PRPF3: variants seen among roughly 807,000 people sequenced by gnomAD.
PRPF3 encodes the protein U4/U6 small nuclear ribonucleoprotein Prp3.
A neutral mutation model predicts 89.2 loss-of-function variants in PRPF3; 3 were observed. The ratio of observed to expected loss-of-function variants is 0.03; its 90% CI spans 0.02 to 0.09. The LOEUF is 0.09. PRPF3 is among the 10% of genes least tolerant of loss of function. The pLI, the probability that PRPF3 is intolerant of heterozygous loss-of-function variation, is 1.00. For missense variants in PRPF3, 463 were observed against 828.8 expected (o/e 0.56, Z 5.42); for synonymous variants, 270 against 289.1 (o/e 0.93, Z 0.67).
chr1:150,332,956 ATTTC>A lies in PRPF3; in HGVS notation c.508-19_508-16del, dbSNP rs1656582289. The A allele has an allele frequency of 6.3e-7, 1 of 1,595,986 alleles. No individual in the cohort carries two copies. Among genetic ancestry groups the A allele is most frequent in the Non-Finnish European group, 8.6e-7 (1 of 1,163,916 alleles). ...TTGTCTGCCTGTCTTAATTCCTCTGATTTCTTTTTCTCTATCTCACAGCCAAAGA... is the reference window on the plus strand; with the variant it reads ...TTGTCTGCCTGTCTTAATTCCTCTGATTTTTCTCTATCTCACAGCCAAAGA... On this transcript the variant is annotated intron_variant, in intron 5 of 15. Coordinates refer to ENST00000324862, the MANE Select transcript of PRPF3 (RefSeq NM_004698.4).
chr1:150,345,616 T>C, intron 12 of PRPF3: 1 of 262,384 alleles, frequency 3.8e-6, no homozygotes, highest in South Asian at 4.1e-5. Flanking sequence ...CCCAAAGTGC[T>C]GGGATTACAG....
At chr1:150,349,973 G>A (rs1026544066) in intron 15 of PRPF3, among the ~76,000 whole-genome samples, 5 of 151,900 alleles carry the variant, frequency 3.3e-5, no homozygotes, top group Admixed American at 6.6e-5. Context: ...TCGGCTCACC[G>A]CAACCTCTAC....
intron 9 of PRPF3, 28 bp downstream of exon 9, chr1:150,340,505 T>TATGC: frequency 1.3e-6 from 2 of 1,524,498 alleles, no homozygotes; most frequent in South Asian, 2.2e-5. Context: ...GAATCAAGTC[T>TATGC]CTAGAGCAGC....
At position 150,352,893 on chromosome 1, in the gene PRPF3, A is replaced by C; in HGVS notation, c.1966A>C (p.Met656Leu). Residue 656 changes from methionine (M) to leucine (L), a missense_variant, in exon 16 of 16, where the codon ATG becomes CTG. Met to Leu is a conservative substitution (Grantham distance 15, BLOSUM62 2). This residue lies in a region of PRPF3 where 78 missense variants were observed against 96.6 expected (regional missense o/e 0.81). Transcript: ENST00000324862. ...MKFKQCPTEN[M>L]AREHFKKHGA... ...GTTTAAACAGTGTCCTACAGAGAAC[A>C]TGGCTCGTGAGCATTTCAAAAAGCA... The C allele has an allele frequency of 8.1e-6, 13 of 1,614,220 alleles. No individual in the cohort carries two copies. The highest frequency in any genetic ancestry group is 1.1e-5 in the Non-Finnish European group (13 of 1,180,030).
intron 14 of PRPF3, among the ~76,000 whole-genome samples, chr1:150,348,479 T>TTTTTTTTTTTTTTTTTG: frequency 7.2e-6 from 1 of 139,272 alleles, no homozygotes. Flanking sequence ...TTTTTTTTTT[T>TTTTTTTTTTTTTTTTTG]GAGATGGAGT....
At chr1:150,340,306 G>T in intron 8 of PRPF3, 92 bp from the exon 9 acceptor site, 3 of 887,934 alleles carry the variant, frequency 3.4e-6, no homozygotes, top group Non-Finnish European at 5.6e-6. Flanking sequence ...ACCCATTATA[G>T]AGAGTGGGTT....
chr1:150,332,865 C>T, intron 5 of PRPF3, 98 bp downstream of exon 5: 1 of 1,495,368 alleles, frequency 6.7e-7, no homozygotes, highest in Non-Finnish European at 9.3e-7. Flanking sequence ...CTACATGTTT[C>T]ACTTCATAAT....
Position 150,332,911 on chromosome 1 carries a change from CTG to C in PRPF3, c.508-62_508-61del, listed in dbSNP as rs1321237687. 4 of 1,509,272 alleles carry C rather than the reference CTG, an allele frequency of 2.7e-6. No homozygotes were observed. In the East Asian group the frequency reaches 6.8e-5, roughly 26 times the overall value. The allele number at this position is 1,509,272 out of a possible 1,614,324, so 93.5% of individuals were successfully genotyped here. A position where few individuals can be genotyped will look rare whatever the true frequency, so the allele number is the denominator to read the frequency against. On this transcript the variant is annotated intron_variant, in intron 5 of 15. Transcript: ENST00000324862. ...AGTCTACCATGATGTGTGTGTATAT[CTG>C]TGTGTATGTATGTGTGTTTGTCTGC...
intron 2 of PRPF3, 123 bp from the exon 3 acceptor site, chr1:150,325,628 A>G: frequency 7.5e-7 from 1 of 1,341,020 alleles, no homozygotes; most frequent in Non-Finnish European, 1.1e-6. Context: ...GGAATCCTAC[A>G]AAAAACTTAA....
In PRPF3 at chr1:150,335,034, C is replaced by T. The variant is rs782814876; in HGVS notation, c.828C>T (p.His276=). 3 of 1,614,088 alleles carry T rather than the reference C, an allele frequency of 1.9e-6. No individual in the cohort carries two copies. Among genetic ancestry groups the T allele is most frequent in the Non-Finnish European group, 2.5e-6 (3 of 1,180,016 alleles). ...CAGGCAAGGAGATTGAGCTGACACA[C>T]CGCATGCCTACTCTGAAAGCCAATA... ...DATGKEIELT[H]RMPTLKANIR... The change falls in exon 7 of 16, where the codon CAC becomes CAT. Residue 276 remains histidine (H), a synonymous_variant. Coordinates refer to ENST00000324862, the MANE Select transcript of PRPF3 (RefSeq NM_004698.4).
At chr1:150,323,875 C>T (rs1553862902) in intron 1 of PRPF3, among the ~76,000 whole-genome samples, 1 of 146,890 alleles carries the variant, frequency 6.8e-6, no homozygotes, top group African/African-American at 2.5e-5. Context: ...TGCCTGGGTT[C>T]AAGTGATTCT....
At chr1:150,335,364 C>A (rs1331698579) in intron 7 of PRPF3, 123 bp downstream of exon 7, 2 of 1,173,098 alleles carry the variant, frequency 1.7e-6, no homozygotes, top group Non-Finnish European at 2.4e-6. Context: ...CAGTCCTCAA[C>A]CTTTTTGGCA....
chr1:150,340,248 A>G, intron 8 of PRPF3, 150 bp from the exon 9 acceptor site: 2 of 657,948 alleles, frequency 3.0e-6, no homozygotes, highest in Admixed American at 2.4e-5. Flanking sequence ...TAATTTAACT[A>G]TATATTTTAG....
chr1:150,353,170 C>T lies in PRPF3; in HGVS notation c.*191C>T, dbSNP rs1321351268. ...TGTTGCCCTTTATTCCCCTTATGTG[C>T]ATATGATTAAAGAGTTATTTTTAAA... is the stretch of plus-strand genomic sequence containing the variant. On this transcript the variant is annotated 3_prime_UTR_variant, in exon 16 of 16. Coordinates refer to ENST00000324862, the MANE Select transcript of PRPF3 (RefSeq NM_004698.4). 4.5e-6 allele frequency: 3 copies of T among 660,666 alleles called. No homozygotes were observed. Among genetic ancestry groups the T allele is most frequent in the Non-Finnish European group, 8.0e-6 (3 of 373,264 alleles). 40.9% of individuals were successfully genotyped at this position (660,666 alleles called of 1,614,324 possible). A position where few individuals can be genotyped will look rare whatever the true frequency, so the allele number is the denominator to read the frequency against.
chr1:150,346,797 C>G lies in PRPF3; in HGVS notation c.1843+306C>G, dbSNP rs1205752700. Reference sequence around the variant, plus strand: ...TGAATTTATTCAGTATTTGAAAATTCAGCAAGCAGCTAGGCATGGTGGCTC... The same window carrying G: ...TGAATTTATTCAGTATTTGAAAATTGAGCAAGCAGCTAGGCATGGTGGCTC... On this transcript the variant is annotated intron_variant, in intron 14 of 15. Coordinates refer to ENST00000324862, the MANE Select transcript of PRPF3 (RefSeq NM_004698.4). Among the ~76,000 whole-genome samples, 7 of 152,072 alleles carry G rather than the reference C, an allele frequency of 4.6e-5. 1 individual carries two copies. The highest frequency in any genetic ancestry group is 1.7e-4 in the African/African-American group (7 of 41,428).
chr1:150,340,037 GA>G (rs1306688538), intron 8 of PRPF3, among the ~76,000 whole-genome samples: 1 of 152,078 alleles, frequency 6.6e-6, no homozygotes, highest in Non-Finnish European at 1.5e-5. Context: ...CCATCATTCT[GA>G]TACATGGCTT....
chr1:150,340,842 G>T (rs1322208986), intron 9 of PRPF3, among the ~76,000 whole-genome samples: 1 of 152,038 alleles, frequency 6.6e-6, no homozygotes, highest in Admixed American at 6.6e-5. Context: ...GGGTATGGTG[G>T]CTTATGCCTG....
chr1:150,345,198 A>C (rs587747201), intron 12 of PRPF3, among the ~76,000 whole-genome samples: 1 of 152,118 alleles, frequency 6.6e-6, no homozygotes, highest in Non-Finnish European at 1.5e-5. Flanking sequence ...AAATTGTCTG[A>C]CAACACAGAA....
At chr1:150,331,525 C>T (rs587700092) in intron 4 of PRPF3, among the ~76,000 whole-genome samples, 5 of 151,912 alleles carry the variant, frequency 3.3e-5, no homozygotes, top group African/African-American at 9.7e-5. Flanking sequence ...CCACCACACC[C>T]GGCTAATTTT....
Sources: gnomAD v4.1 joint callset for allele counts (sites outside exome capture counted in the v4.1 genomes callset) on GRCh38, gnomAD v4.1.1 for gene constraint, gnomAD v4.1.1 regional missense constraint, MANE v1.5 for transcripts, NCBI Gene and HGNC (gene_info 2026-07-23, HGNC 2026-07-21) for gene names.